Variants in HERC4 observed in about 807,000 individuals in gnomAD.
The protein encoded by HERC4 is probable E3 ubiquitin-protein ligase HERC4.
In HERC4, 28 loss-of-function variants were observed where a neutral mutation model predicts 124.3. The observed-to-expected ratio is 0.23, with a 90% CI of 0.17 to 0.31. The LOEUF is 0.31. Ranked by LOEUF, HERC4 falls within the 10% of genes least tolerant of loss-of-function variation. The probability of loss-of-function intolerance (pLI) is 1.00; values close to 1 mark genes in which losing one functional copy is unlikely to be tolerated. For missense variants in HERC4, 713 were observed against 1,229.3 expected (o/e 0.58, Z 6.28); for synonymous variants, 407 against 421.5 (o/e 0.97, Z 0.42).
rs551791432 is a variant in HERC4, at chr10:67,950,584, G to C, written c.2337+4011C>G. The stretch of plus-strand genomic sequence containing the variant: ...AGCCACCACACCCAGCCCTACAGGG[G>C]AGATTTAAGTAAATATCTTAAAGAT... On this transcript the variant is annotated intron_variant, in intron 19 of 24. Coordinates refer to ENST00000373700, the MANE Select transcript of HERC4 (RefSeq NM_015601.4). Among the ~76,000 whole-genome samples, 29 of 152,230 alleles carry C rather than the reference G, an allele frequency of 1.9e-4. No homozygotes were observed. In the South Asian group the frequency reaches 6.0e-3, roughly 32 times the overall value.
chr10:67,960,501 T>C (rs1473536803), intron 16 of HERC4, among the ~76,000 whole-genome samples: 1 of 152,156 alleles, frequency 6.6e-6, no homozygotes, highest in East Asian at 1.9e-4. Flanking sequence ...TTCTCCTGCC[T>C]CAGCCTCCCG....
rs1021450053 is a variant in HERC4, at chr10:67,954,509, C to T, written c.2337+86G>A. ...ATATGTTAGGGATCCAGTAGTAATT[C>T]CTTATTTACTGAATTAACTTGATAC... On this transcript the variant is annotated intron_variant, in intron 19 of 24. Coordinates refer to ENST00000373700, the MANE Select transcript of HERC4 (RefSeq NM_015601.4). 6 of 1,048,282 alleles carry T rather than the reference C, an allele frequency of 5.7e-6. No homozygotes were observed. In the African/African-American group the frequency reaches 8.2e-5, roughly 14 times the overall value. 64.9% of individuals were successfully genotyped at this position (1,048,282 alleles called of 1,614,324 possible).
intron 3 of HERC4, among the ~76,000 whole-genome samples, chr10:68,059,459 A>ATATT (rs2040721829): frequency 1.2e-5 from 1 of 83,210 alleles, no homozygotes; most frequent in African/African-American, 5.8e-5. Context: ...TATATATTAT[A>ATATT]ATAATATTAT....
intron 15 of HERC4, among the ~76,000 whole-genome samples, chr10:67,975,661 T>G (rs753334614): frequency 1.3e-5 from 2 of 152,174 alleles, no homozygotes; most frequent in Non-Finnish European, 2.9e-5. Flanking sequence ...ACACATGCAT[T>G]CTTAACTCAC....
intron 9 of HERC4, among the ~76,000 whole-genome samples, chr10:68,004,812 C>G (rs769443595): frequency 6.6e-6 from 1 of 152,156 alleles, no homozygotes; most frequent in African/African-American, 2.4e-5. Flanking sequence ...CTTGTGAGAA[C>G]TCACTCATTA....
intron 15 of HERC4, among the ~76,000 whole-genome samples, chr10:67,973,398 C>A (rs2035371079): frequency 6.6e-6 from 1 of 152,148 alleles, no homozygotes; most frequent in African/African-American, 2.4e-5. Flanking sequence ...TCAGCCAAGG[C>A]TTAGGCTAAA....
chr10:68,015,544 T>C (rs969125117), intron 8 of HERC4, among the ~76,000 whole-genome samples: 3 of 152,180 alleles, frequency 2.0e-5, no homozygotes, highest in Admixed American at 6.5e-5. Flanking sequence ...ATTTCTTTTG[T>C]TTTTGCCAGG....
chr10:68,074,536 G>C (rs1440260832), intron 1 of HERC4: 1 of 152,180 alleles, frequency 6.6e-6, no homozygotes, highest in Non-Finnish European at 1.5e-5. Context: ...ACACAGAGGC[G>C]TCCTCTCGCC....
chr10:67,980,310 T>C (rs760036722), intron 15 of HERC4, among the ~76,000 whole-genome samples: 5 of 152,038 alleles, frequency 3.3e-5, no homozygotes, highest in Non-Finnish European at 7.4e-5. Context: ...ATTTTGTATT[T>C]TTAGTAGAGA....
intron 4 of HERC4, among the ~76,000 whole-genome samples, chr10:68,042,691 A>C (rs554867099): frequency 6.6e-6 from 1 of 152,318 alleles, no homozygotes; most frequent in African/African-American, 2.4e-5. Context: ...CTATATGTAA[A>C]ATTTACAAAG....
At chr10:67,941,371 G>C (rs2032875292) in intron 19 of HERC4, among the ~76,000 whole-genome samples, 2 of 151,744 alleles carry the variant, frequency 1.3e-5, no homozygotes, top group Admixed American at 1.3e-4. Flanking sequence ...TTTTCTCCCA[G>C]ACATAAGCAT....
chr10:67,960,390 A>C lies in HERC4; in HGVS notation c.1927-3414T>G, dbSNP rs539883139. On this transcript the variant is annotated intron_variant, in intron 16 of 24. Coordinates refer to ENST00000373700, the MANE Select transcript of HERC4 (RefSeq NM_015601.4). ...CTATTTGTCACTATTAAAAGCCTAA[A>C]ATTTTTTTTTTTGAGACGGAGCTTC... is the stretch of plus-strand genomic sequence containing the variant. Among the ~76,000 whole-genome samples the C allele has an allele frequency of 3.3e-5, 5 of 151,960 alleles. No homozygotes were observed. The South Asian group carries it at 1.0e-3, about 32-fold the overall frequency.
chr10:67,970,775 T>C (rs978825533), intron 15 of HERC4, among the ~76,000 whole-genome samples: 1 of 151,510 alleles, frequency 6.6e-6, no homozygotes, highest in Non-Finnish European at 1.5e-5. Context: ...AATCCAGGCA[T>C]AAAAGAAAAT....
chr10:68,064,399 CA>C (rs1387596281), intron 3 of HERC4, among the ~76,000 whole-genome samples: 1 of 151,374 alleles, frequency 6.6e-6, no homozygotes, highest in African/African-American at 2.4e-5. Flanking sequence ...ACTAAAAATA[CA>C]AAAATTAGCC....
At chr10:67,996,646 G>A (rs1366693602) in intron 9 of HERC4, among the ~76,000 whole-genome samples, 1 of 152,040 alleles carries the variant, frequency 6.6e-6, no homozygotes, top group East Asian at 1.9e-4. Context: ...GCAATATTGA[G>A]TGCATTACAT....
intron 15 of HERC4, among the ~76,000 whole-genome samples, chr10:67,977,564 G>A (rs1313988132): frequency 6.6e-6 from 1 of 152,050 alleles, no homozygotes; most frequent in East Asian, 1.9e-4. Flanking sequence ...TGTACCTTGG[G>A]TACCAGCTCC....
At chr10:67,977,517 T>C (rs964867720) in intron 15 of HERC4, among the ~76,000 whole-genome samples, 2 of 152,008 alleles carry the variant, frequency 1.3e-5, no homozygotes, top group Admixed American at 6.6e-5. Flanking sequence ...GACTCCTGCT[T>C]GAGAAAAGTG....
chr10:67,950,267 T>C (rs2033695971), intron 19 of HERC4, among the ~76,000 whole-genome samples: 1 of 151,844 alleles, frequency 6.6e-6, no homozygotes, highest in Admixed American at 6.6e-5. Flanking sequence ...ACTCCATGGA[T>C]ACATACAGGG....
chr10:68,057,207 T>C (rs1470769603), intron 3 of HERC4, among the ~76,000 whole-genome samples: 1 of 152,126 alleles, frequency 6.6e-6, no homozygotes, highest in Non-Finnish European at 1.5e-5. Flanking sequence ...AACAACACAC[T>C]AAGCCAAAAT....
Sources: allele counts gnomAD v4.1 joint callset (sites outside exome capture counted in the v4.1 genomes callset), GRCh38; gene constraint gnomAD v4.1.1; transcripts MANE v1.5; gene names NCBI Gene and HGNC (gene_info 2026-07-23, HGNC 2026-07-21).